The following P4HA1 variants were observed in gnomAD, a reference collection of about 807,000 sequenced individuals.
The protein encoded by P4HA1 is prolyl 4-hydroxylase subunit alpha-1.
P4HA1 carries 24 observed loss-of-function variants against 72.8 expected under a neutral mutation model. The ratio of observed to expected loss-of-function variants is 0.33; its 90% CI spans 0.24 to 0.46. The LOEUF (loss-of-function observed/expected upper bound fraction) is 0.46. Ranked by LOEUF, P4HA1 falls within the 20% of genes least tolerant of loss-of-function variation. The pLI is 1.00. For missense variants in P4HA1, 446 were observed against 640.6 expected, an observed-to-expected ratio of 0.70 and a Z score of 3.28; for synonymous variants, 201 against 218.8, an observed-to-expected ratio of 0.92 and a Z score of 0.72.
intron 9 of P4HA1, among the ~76,000 whole-genome samples, chr10:73,038,374 A>T (rs1840649281): frequency 6.6e-6 from 1 of 152,188 alleles, no homozygotes; most frequent in Non-Finnish European, 1.5e-5. Flanking sequence ...CAGAGTAAAA[A>T]AATGAAAATC....
At chr10:73,095,339 G>A (rs532699054) in intron 1 of P4HA1, among the ~76,000 whole-genome samples, 1 of 151,316 alleles carries the variant, frequency 6.6e-6, no homozygotes, top group African/African-American at 2.4e-5. Flanking sequence ...TATCGTCTTA[G>A]GATACCGATT....
At chr10:73,038,190 G>A (rs1008838944) in intron 9 of P4HA1, among the ~76,000 whole-genome samples, 3 of 152,184 alleles carry the variant, frequency 2.0e-5, no homozygotes, top group Admixed American at 6.5e-5. Context: ...GGGAGGTGGA[G>A]GCTGTAGTGA....
chr10:73,078,705 G>A (rs188644587), intron 1 of P4HA1, among the ~76,000 whole-genome samples: 6 of 142,160 alleles, frequency 4.2e-5, no homozygotes, highest in African/African-American at 1.3e-4. Context: ...TCCGCCTCCC[G>A]GGTTCAAGCG....
chr10:73,031,639 A>ATGGGGC (rs1214714210), intron 9 of P4HA1, among the ~76,000 whole-genome samples: 14 of 146,830 alleles, frequency 9.5e-5, no homozygotes, highest in African/African-American at 2.8e-4. Context: ...GGGGATGGGG[A>ATGGGGC]TGGGGCTGGG....
At chr10:73,049,130 A>G (rs1291127886) in intron 7 of P4HA1, among the ~76,000 whole-genome samples, 1 of 152,058 alleles carries the variant, frequency 6.6e-6, no homozygotes, top group Non-Finnish European at 1.5e-5. Context: ...GAAAAAAAAA[A>G]GAAAATAATG....
rs34162681 is a variant in P4HA1, at chr10:73,008,240, C to G, written c.1587G>C (p.Thr529=). 9.7e-3 allele frequency: 15,574 copies of G among 1,606,212 alleles called. 1,263 individuals are homozygous for G. In the African/African-American group the frequency reaches 0.18, roughly 18 times the overall value. Residue 529 remains threonine, a synonymous_variant, in exon 15 of 15, where the codon ACG becomes ACC. Transcript: ENST00000394890. ...ERGQEFRRPC[T]LSELE ...CTGTTTGTCATTCCAATTCTGACAA[C>G]GTACAAGGTCTTCGAAATTCTTGTC... is the stretch of plus-strand genomic sequence containing the variant.
chr10:73,051,708 G>T (rs1224781303), intron 6 of P4HA1, among the ~76,000 whole-genome samples: 1 of 152,118 alleles, frequency 6.6e-6, no homozygotes, highest in African/African-American at 2.4e-5. Context: ...GCAGTGAGCC[G>T]AGATCATGCC....
chr10:73,085,780 T>C (rs977773863), intron 1 of P4HA1, among the ~76,000 whole-genome samples: 2 of 152,160 alleles, frequency 1.3e-5, no homozygotes, highest in Non-Finnish European at 2.9e-5. Flanking sequence ...ACTATGAAAA[T>C]GCAAATCAAT....
chr10:73,045,893 A>T (rs774860735), intron 8 of P4HA1, among the ~76,000 whole-genome samples: 2 of 150,914 alleles, frequency 1.3e-5, no homozygotes, highest in African/African-American at 2.4e-5. Flanking sequence ...AAAAACCACC[A>T]ATTTGGAGAA....
rs1452518240 is a variant in P4HA1, at chr10:73,093,891, T to A, written c.-33+2875A>T. Among the ~76,000 whole-genome samples, 314 of 82,662 alleles carry A rather than the reference T, an allele frequency of 3.8e-3. 2 individuals are homozygous for A. Among genetic ancestry groups the A allele is most frequent in the African/African-American group, 0.015 (291 of 19,076 alleles). The allele number at this position is 82,662 out of a possible 152,430, so 54.2% of individuals were successfully genotyped here. On this transcript the variant is annotated intron_variant, in intron 1 of 14. Transcript: ENST00000394890. ...AAAAAAAAATATATATATATATATA[T>A]ATATATATATATATATACACACACA...
At position 73,023,297 on chromosome 10, in the gene P4HA1, CT is replaced by C. The variant is rs1840180341; in HGVS notation, c.1249-6399del. On this transcript the variant is annotated intron_variant, in intron 10 of 14. Transcript: ENST00000394890. The stretch of plus-strand genomic sequence containing the variant: ...GGCCCATCAGACTAACAGTGGATCT[CT>C]CTGCAGAAACCCTACAAGCAAGAAG... 3.9e-5 allele frequency among the ~76,000 whole-genome samples: 6 copies of C among 152,304 alleles called. No homozygotes were observed. The South Asian group carries it at 1.2e-3, about 32-fold the overall frequency.
intron 9 of P4HA1, among the ~76,000 whole-genome samples, chr10:73,037,099 G>GT (rs1363553374): frequency 6.6e-6 from 1 of 151,808 alleles, no homozygotes; most frequent in African/African-American, 2.4e-5. Context: ...ATTATACAGT[G>GT]TTTTTCCCCA....
At chr10:73,056,323 G>T (rs1841146998) in intron 5 of P4HA1, among the ~76,000 whole-genome samples, 1 of 152,124 alleles carries the variant, frequency 6.6e-6, no homozygotes, top group Admixed American at 6.6e-5. Context: ...TTTAAAAATA[G>T]AAAATATGAA....
chr10:73,030,965 C>T (rs986824130), intron 9 of P4HA1, among the ~76,000 whole-genome samples: 1 of 152,088 alleles, frequency 6.6e-6, no homozygotes, highest in African/African-American at 2.4e-5. Flanking sequence ...GGTAGTTGCT[C>T]AAAATGCTAA....
rs377298247 is a variant in P4HA1 at position 73,081,186 on chromosome 10, C to A, written c.-32-6271G>T. On this transcript the variant is annotated intron_variant, in intron 1 of 14. Coordinates refer to ENST00000394890, the MANE Select transcript of P4HA1 (RefSeq NM_001017962.3). ...TAAAAGAAAGACTAATCTCAGATAG[C>A]ATCCCTGAAAAGACTTGTCTTAATT... 2.0e-5 allele frequency among the ~76,000 whole-genome samples: 3 copies of A among 151,998 alleles called. No individual in the cohort carries two copies. The East Asian group carries it at 5.8e-4, about 29-fold the overall frequency.
chr10:73,074,025 T>G (rs1242425496), intron 2 of P4HA1, 198 bp from the exon 3 acceptor site: 1 of 552,132 alleles, frequency 1.8e-6, no homozygotes, highest in Admixed American at 3.2e-5. Flanking sequence ...GTTCCAGTTC[T>G]AATTTTTAAG....
chr10:73,065,665 G>C (rs1841403525), intron 5 of P4HA1, among the ~76,000 whole-genome samples: 1 of 152,148 alleles, frequency 6.6e-6, no homozygotes, highest in South Asian at 2.1e-4. Flanking sequence ...TACATGCTCT[G>C]GAAAGCAATC....
chr10:73,047,549 CAAAAAAAAAA>C (rs1167975608), intron 7 of P4HA1, among the ~76,000 whole-genome samples: 4 of 59,126 alleles, frequency 6.8e-5, no homozygotes, highest in African/African-American at 1.3e-4. Context: ...ATGCTTGTGG[CAAAAAAAAAA>C]AAAAAAAAAA....
chr10:73,045,058 A>G lies in P4HA1; in HGVS notation c.1078-7T>C. 6.2e-7 allele frequency: 1 copy of G among 1,612,474 alleles called. No individual in the cohort carries two copies. Among genetic ancestry groups the G allele is most frequent in the Non-Finnish European group, 8.5e-7 (1 of 1,178,748 alleles). On this transcript the variant is annotated splice_region_variant and splice_polypyrimidine_tract_variant and intron_variant, in intron 8 of 14. Transcript: ENST00000394890. ...AAATGGTGGCTCGCCTCAGCTGTGA[A>G]GCCAACCATCAAAATAGTTGCATTA... is the stretch of plus-strand genomic sequence containing the variant.
Sources: allele counts gnomAD v4.1 joint callset (sites outside exome capture counted in the v4.1 genomes callset), GRCh38; gene constraint gnomAD v4.1.1; transcripts MANE v1.5; gene names NCBI Gene and HGNC (gene_info 2026-07-23, HGNC 2026-07-21).